LRP1B: variants seen among roughly 807,000 people sequenced by gnomAD.
The protein encoded by LRP1B is low-density lipoprotein receptor-related protein 1B.
In LRP1B, 217 loss-of-function variants were observed where a neutral mutation model predicts 556.6. The ratio of observed to expected loss-of-function variants is 0.39; its 90% CI spans 0.35 to 0.44. The LOEUF (loss-of-function observed/expected upper bound fraction) is 0.44. Ranked by LOEUF, LRP1B falls within the 20% of genes least tolerant of loss-of-function variation. The pLI is 1.00. For missense variants in LRP1B, 5,053 were observed against 5,620.8 expected (o/e 0.90, Z 3.23); for synonymous variants, 2,047 against 1,865.8 (o/e 1.10, Z -2.50).
intron 87 of LRP1B, among the ~76,000 whole-genome samples, chr2:140,241,275 A>G (rs1680937313): frequency 1.3e-5 from 2 of 150,998 alleles, no homozygotes; most frequent in Admixed American, 1.3e-4. Flanking sequence ...CTTGTTCACA[A>G]GTTTTAAATA....
chr2:141,720,110 G>T (rs1057051927), intron 2 of LRP1B, among the ~76,000 whole-genome samples: 2 of 152,114 alleles, frequency 1.3e-5, no homozygotes, highest in African/African-American at 2.4e-5. Context: ...TTCACAATAT[G>T]TTGGTGTATA....
intron 1 of LRP1B, among the ~76,000 whole-genome samples, chr2:142,079,596 C>T (rs544123740): frequency 6.6e-6 from 1 of 152,152 alleles, no homozygotes; most frequent in Non-Finnish European, 1.5e-5. Context: ...CAACCTCCGC[C>T]TCCCAGGTGT....
At chr2:141,392,480 A>AGAG (rs61211438) in intron 3 of LRP1B, among the ~76,000 whole-genome samples, 7 of 134,482 alleles carry the variant, frequency 5.2e-5, no homozygotes, top group African/African-American at 2.1e-4. Flanking sequence ...AAAAAAAAAA[A>AGAG]AGAGAGACTG....
intron 57 of LRP1B, among the ~76,000 whole-genome samples, chr2:140,488,025 A>G (rs1688545715): frequency 6.6e-6 from 1 of 152,016 alleles, no homozygotes; most frequent in Admixed American, 6.6e-5. Flanking sequence ...GTGAAAATAA[A>G]AATAACTTCT....
chr2:140,265,549 C>A (rs1482900274), intron 86 of LRP1B, among the ~76,000 whole-genome samples: 1 of 152,020 alleles, frequency 6.6e-6, no homozygotes, highest in Non-Finnish European at 1.5e-5. Context: ...CTTCATAGAT[C>A]TGGATACTAT....
chr2:140,480,629 TG>T (rs564484327), intron 59 of LRP1B, among the ~76,000 whole-genome samples: 1 of 151,050 alleles, frequency 6.6e-6, no homozygotes, highest in Non-Finnish European at 1.5e-5. Context: ...TTAGTAGAGA[TG>T]GGGTTTCACC....
At chr2:141,988,144 T>G (rs1702251325) in intron 1 of LRP1B, among the ~76,000 whole-genome samples, 1 of 151,844 alleles carries the variant, frequency 6.6e-6, no homozygotes, top group Admixed American at 6.6e-5. Context: ...GAACTTGGTA[T>G]CAGGCATGAT....
intron 41 of LRP1B, among the ~76,000 whole-genome samples, chr2:140,657,280 G>A (rs74616576): frequency 0.062 from 9,465 of 151,798 alleles, 335 homozygotes; most frequent in Admixed American, 0.078. Flanking sequence ...TAGGCAGTGC[G>A]GTAGAAAACA....
chr2:141,331,787 A>T (rs956352514), intron 3 of LRP1B, among the ~76,000 whole-genome samples: 2 of 152,052 alleles, frequency 1.3e-5, no homozygotes, highest in African/African-American at 4.8e-5. Context: ...AATCTGAGCA[A>T]ATTGTCTGTT....
At chr2:140,239,730 C>T (rs1414557682) in intron 87 of LRP1B, among the ~76,000 whole-genome samples, 198 bp from the exon 88 acceptor site, 1 of 150,772 alleles carries the variant, frequency 6.6e-6, no homozygotes, top group African/African-American at 2.4e-5. Context: ...GGAAATGTTT[C>T]CTTAGATATC....
intron 2 of LRP1B, among the ~76,000 whole-genome samples, chr2:141,520,481 T>C (rs1032618575): frequency 2.6e-5 from 4 of 152,076 alleles, no homozygotes; most frequent in Non-Finnish European, 5.9e-5. Flanking sequence ...CTGTTTTTTT[T>C]TTCCTTTATA....
chr2:142,084,872 T>C (rs1475144261), intron 1 of LRP1B, among the ~76,000 whole-genome samples: 1 of 147,608 alleles, frequency 6.8e-6, no homozygotes, highest in Non-Finnish European at 1.5e-5. Flanking sequence ...CTGACATTAA[T>C]ATATTTTTTA....
At chr2:141,153,368 A>G (rs1388584684) in intron 7 of LRP1B, among the ~76,000 whole-genome samples, 1 of 109,236 alleles carries the variant, frequency 9.2e-6, no homozygotes, top group African/African-American at 3.4e-5. Flanking sequence ...ATATATTTAT[A>G]TATAATAATA....
chr2:141,298,398 G>C (rs896178147), intron 3 of LRP1B, among the ~76,000 whole-genome samples: 3 of 152,092 alleles, frequency 2.0e-5, no homozygotes, highest in African/African-American at 7.2e-5. Flanking sequence ...GGTATCAGTG[G>C]ACCTGGAGAT....
At chr2:141,166,756 T>C (rs1357349621) in intron 7 of LRP1B, among the ~76,000 whole-genome samples, 1 of 151,986 alleles carries the variant, frequency 6.6e-6, no homozygotes, top group Non-Finnish European at 1.5e-5. Context: ...TGCAGTTGTC[T>C]TCATCTATGA....
At chr2:141,609,585 A>C (rs545266129) in intron 2 of LRP1B, among the ~76,000 whole-genome samples, 1 of 152,330 alleles carries the variant, frequency 6.6e-6, no homozygotes, top group East Asian at 1.9e-4. Flanking sequence ...ATTTCTTTTT[A>C]AATCATGACT....
intron 3 of LRP1B, among the ~76,000 whole-genome samples, chr2:141,323,328 A>G (rs1687311439): frequency 1.3e-5 from 2 of 152,124 alleles, no homozygotes; most frequent in Non-Finnish European, 2.9e-5. Context: ...CCAATACAGC[A>G]TATTTCACAA....
intron 2 of LRP1B, among the ~76,000 whole-genome samples, chr2:141,514,112 A>G (rs1292841111): frequency 6.6e-6 from 1 of 152,096 alleles, no homozygotes; most frequent in African/African-American, 2.4e-5. Context: ...TACCTATGGG[A>G]CAGCTATATA....
intron 43 of LRP1B, among the ~76,000 whole-genome samples, chr2:140,545,548 C>G (rs1401599016): frequency 6.6e-6 from 1 of 152,014 alleles, no homozygotes; most frequent in Non-Finnish European, 1.5e-5. Flanking sequence ...AGAGTCCTTT[C>G]CCCTTTGCTT....
Sources: gnomAD v4.1 joint callset for allele counts (sites outside exome capture counted in the v4.1 genomes callset) on GRCh38, gnomAD v4.1.1 for gene constraint, MANE v1.5 for transcripts, NCBI Gene and HGNC (gene_info 2026-07-23, HGNC 2026-07-21) for gene names.